CKAP5: variants seen among roughly 807,000 people sequenced by gnomAD.
CKAP5 encodes the protein cytoskeleton associated protein 5, also known as cytoskeleton-associated protein 5.
A neutral mutation model predicts 232.8 loss-of-function variants in CKAP5; 27 were observed. The observed-to-expected ratio is 0.12, with a 90% CI of 0.09 to 0.16. The LOEUF is 0.16. CKAP5 is among the 10% of genes least tolerant of loss of function. CKAP5 has a pLI of 1.00. For synonymous variants in CKAP5, 785 were observed against 841.1 expected (o/e 0.93, Z 1.16); for missense variants, 1,838 against 2,424.7 (o/e 0.76, Z 5.08).
chr11:46,745,844 C>T (rs770803370), intron 42 of CKAP5, among the ~76,000 whole-genome samples: 8 of 151,964 alleles, frequency 5.3e-5, no homozygotes, highest in Non-Finnish European at 8.8e-5. Context: ...CCCAGCTACT[C>T]GGGAGGCCAA....
At chr11:46,758,766 G>A in intron 35 of CKAP5, 157 bp downstream of exon 35, 1 of 717,936 alleles carries the variant, frequency 1.4e-6, no homozygotes, top group Admixed American at 3.2e-5. Flanking sequence ...TCTGAGGCAA[G>A]TGATGACTGA....
chr11:46,781,437 G>T (rs1282751439), intron 18 of CKAP5, among the ~76,000 whole-genome samples: 1 of 141,982 alleles, frequency 7.0e-6, no homozygotes, highest in Non-Finnish European at 1.5e-5. Context: ...CTTCTCAAAA[G>T]CCCCTAATGC....
At chr11:46,801,431 A>G (rs889617664) in intron 8 of CKAP5, 127 bp from the exon 9 acceptor site, 6 of 645,168 alleles carry the variant, frequency 9.3e-6, no homozygotes, top group Non-Finnish European at 1.6e-5. Flanking sequence ...GCACTTTGGG[A>G]GGCCAAGGTG....
chr11:46,809,506 A>C lies in CKAP5; in HGVS notation c.764-6T>G, dbSNP rs760899676. 6.3e-7 allele frequency: 1 copy of C among 1,598,228 alleles called. No homozygotes were observed. The highest frequency in any genetic ancestry group is 1.1e-5 in the South Asian group (1 of 89,414). On this transcript the variant is annotated splice_polypyrimidine_tract_variant and splice_region_variant and intron_variant, in intron 6 of 43. Coordinates refer to ENST00000529230, the MANE Select transcript of CKAP5 (RefSeq NM_001008938.4). ...CTCATCACCATCATCACCACCTTTA[A>C]GGAGAAAAACAACACAAACCTTAAA...
In CKAP5 at chr11:46,829,903, A is replaced by G. The variant is rs1333381033; in HGVS notation, c.-37-8635T>C. ...GTGTGTATCTCACATACACATTTAC[A>G]TATGCATTTGTGTAGGCTGATAATG... On this transcript the variant is annotated intron_variant, in intron 1 of 43. Coordinates refer to ENST00000529230, the MANE Select transcript of CKAP5 (RefSeq NM_001008938.4). Among the ~76,000 whole-genome samples the G allele has an allele frequency of 5.3e-5, 8 of 151,442 alleles. No homozygotes were observed. In the East Asian group the frequency reaches 1.4e-3, roughly 26 times the overall value.
chr11:46,792,924 G>A (rs2134642621), intron 13 of CKAP5, among the ~76,000 whole-genome samples: 1 of 152,262 alleles, frequency 6.6e-6, no homozygotes, highest in Non-Finnish European at 1.5e-5. Flanking sequence ...CAAGGAGACA[G>A]CATAATGTGA....
chr11:46,748,765 TCAAAACAAAACAAAA>T (rs375054462), intron 42 of CKAP5, among the ~76,000 whole-genome samples: 1 of 152,014 alleles, frequency 6.6e-6, no homozygotes, highest in Non-Finnish European at 1.5e-5. Context: ...CGAGACTGTC[TCAAAACAAAACAAAA>T]CAAAACAAAA....
At chr11:46,794,078 G>A (rs1002868491) in intron 13 of CKAP5, among the ~76,000 whole-genome samples, 8 of 152,158 alleles carry the variant, frequency 5.3e-5, no homozygotes, top group African/African-American at 1.9e-4. Context: ...AATGAAGTTG[G>A]ACACCGTATA....
chr11:46,841,736 C>T (rs909401541), intron 1 of CKAP5, among the ~76,000 whole-genome samples: 1 of 152,156 alleles, frequency 6.6e-6, no homozygotes, highest in South Asian at 2.1e-4. Context: ...CACGGTGGCT[C>T]ACGCCTGTAA....
intron 1 of CKAP5, among the ~76,000 whole-genome samples, chr11:46,825,082 A>G (rs1939622286): frequency 6.6e-6 from 1 of 152,218 alleles, no homozygotes; most frequent in South Asian, 2.1e-4. Flanking sequence ...CTCAAATACC[A>G]TATAGTCCAT....
intron 42 of CKAP5, 112 bp downstream of exon 42, chr11:46,750,162 G>A: frequency 9.7e-7 from 1 of 1,034,152 alleles, no homozygotes; most frequent in Admixed American, 2.4e-5. Context: ...GCCATTTGGT[G>A]ACCATTAAGT....
chr11:46,831,132 T>G (rs1939782954), intron 1 of CKAP5, among the ~76,000 whole-genome samples: 1 of 152,136 alleles, frequency 6.6e-6, no homozygotes, highest in Non-Finnish European at 1.5e-5. Context: ...AGAAATTTTT[T>G]TGAAAAAACT....
intron 23 of CKAP5, 92 bp from the exon 24 acceptor site, chr11:46,776,475 G>A: frequency 9.8e-7 from 1 of 1,025,634 alleles, no homozygotes. Context: ...GAACAATGGA[G>A]GGTTATCTAA....
rs1390527366 is a variant in CKAP5, at chr11:46,762,961, A to AGG, written c.3891+14_3891+15insCC. 1 of 1,607,224 alleles carries AGG rather than the reference A, an allele frequency of 6.2e-7. No individual in the cohort carries two copies. Among genetic ancestry groups the AGG allele is most frequent in the South Asian group, 1.1e-5 (1 of 90,770 alleles). On this transcript the variant is annotated intron_variant, in intron 30 of 43. Coordinates refer to ENST00000529230, the MANE Select transcript of CKAP5 (RefSeq NM_001008938.4). ...GGAACTTAAGCAGTCTCCCAGAGAG[A>AGG]GAACACCACATTACCTTGACGACAA...
intron 1 of CKAP5, among the ~76,000 whole-genome samples, chr11:46,844,672 C>T (rs1940138124): frequency 6.6e-6 from 1 of 152,054 alleles, no homozygotes; most frequent in Admixed American, 6.5e-5. Flanking sequence ...GACAGAGGGT[C>T]GCTCTGTCAC....
rs779044514 is a variant in CKAP5 at position 46,783,302 on chromosome 11, T to C, written c.2221A>G (p.Asn741Asp). The change falls in exon 18 of 44, where the codon AAT (asparagine) becomes GAT (aspartate). Residue 741 changes from asparagine to aspartate, a missense_variant. Transcript: ENST00000529230. ...GAAAAACCAAATTCTTTTATGGCATTTGATAGCCAATTCAGAGTTTCTGAC... is the reference window on the plus strand; with the variant it reads ...GAAAAACCAAATTCTTTTATGGCATCTGATAGCCAATTCAGAGTTTCTGAC... Reference protein sequence around the residue: ...NQSETLNWLSNAIKEFGFSGL... With the variant: ...NQSETLNWLSDAIKEFGFSGL... 2 of 1,612,286 alleles carry C rather than the reference T, an allele frequency of 1.2e-6. No individual in the cohort carries two copies. Among genetic ancestry groups the C allele is most frequent in the Non-Finnish European group, 1.7e-6 (2 of 1,178,946 alleles).
chr11:46,753,198 T>C (rs2065083166), intron 37 of CKAP5, 112 bp downstream of exon 37: 1 of 778,272 alleles, frequency 1.3e-6, no homozygotes, highest in Admixed American at 2.8e-5. Context: ...GCCTAGGAAG[T>C]TGATTATGAT....
chr11:46,793,875 C>T (rs1000354406), intron 13 of CKAP5, among the ~76,000 whole-genome samples: 7 of 151,754 alleles, frequency 4.6e-5, no homozygotes, highest in East Asian at 1.9e-4. Context: ...TGCAGTGAGC[C>T]GAGATTGTGC....
chr11:46,783,762 G>C (rs1360755718), intron 17 of CKAP5, among the ~76,000 whole-genome samples: 2 of 151,946 alleles, frequency 1.3e-5, no homozygotes, highest in Non-Finnish European at 2.9e-5. Context: ...CTGGAGTACA[G>C]TGGCGTGATC....
Sources: gnomAD v4.1 joint callset for allele counts (sites outside exome capture counted in the v4.1 genomes callset) on GRCh38, gnomAD v4.1.1 for gene constraint, MANE v1.5 for transcripts, NCBI Gene and HGNC (gene_info 2026-07-23, HGNC 2026-07-21) for gene names.